The following ATM variants were observed in gnomAD, a reference collection of about 807,000 sequenced individuals.
The protein encoded by ATM is ATM serine/threonine kinase.
A neutral mutation model predicts 387.0 loss-of-function variants in ATM; 308 were observed. The observed-to-expected ratio is 0.80, with a 90% CI of 0.73 to 0.87. The LOEUF is 0.87. ATM is among the 40% of genes least tolerant of loss of function. The pLI, the probability that ATM is intolerant of heterozygous loss-of-function variation, is 0.00. For synonymous variants in ATM, 1,156 were observed against 1,187.3 expected (o/e 0.97, Z 0.54); for missense variants, 3,312 against 3,560.9 (o/e 0.93, Z 1.78).
In ATM at chr11:108,272,564, C is replaced by G. The variant is rs1555085821; in HGVS notation, c.3110C>G (p.Ser1037Cys). 1 of 1,613,682 alleles carries G rather than the reference C, an allele frequency of 6.2e-7. No individual in the cohort carries two copies. Among genetic ancestry groups the G allele is most frequent in the Non-Finnish European group, 8.5e-7 (1 of 1,179,688 alleles). Reference protein sequence around the residue: ...HLTKERKYIFSVRMALVNCLK... With the variant: ...HLTKERKYIFCVRMALVNCLK... Reference sequence around the variant, plus strand: ...ACAAAGGAGAGGAAATATATATTCTCTGTAAGAATGGCCCTAGTAAATTGC... The same window carrying G: ...ACAAAGGAGAGGAAATATATATTCTGTGTAAGAATGGCCCTAGTAAATTGC... Residue 1037 changes from serine (S) to cysteine (C), a missense_variant, in exon 21 of 63, where the codon TCT becomes TGT. Physicochemically the swap from Ser to Cys is moderately radical, Grantham distance 112. This residue lies in a region of ATM where 1,791 missense variants were observed against 1,804.5 expected (regional missense o/e 0.99). Transcript: ENST00000675843.
At chr11:108,341,091 C>T (rs1384255330) in intron 56 of ATM, among the ~76,000 whole-genome samples, 1 of 151,990 alleles carries the variant, frequency 6.6e-6, no homozygotes, top group Admixed American at 6.6e-5. Flanking sequence ...CTGCTGTTCT[C>T]CCTCCAGCCT....
chr11:108,301,513 T>C (rs2083428193), intron 34 of ATM, 135 bp from the exon 35 acceptor site: 1 of 1,049,430 alleles, frequency 9.5e-7, no homozygotes, highest in Admixed American at 2.2e-5. Flanking sequence ...TTATTTGATA[T>C]TGGAGAATTT....
intron 1 of ATM, chr11:108,226,556 T>A (rs2078747088): frequency 6.6e-6 from 1 of 152,222 alleles, no homozygotes; most frequent in Non-Finnish European, 1.5e-5. Context: ...TTACTCCTAT[T>A]GTTATGTGTT....
chr11:108,244,736 T>C (rs777298680), intron 6 of ATM, 52 bp from the exon 7 acceptor site: 1 of 1,345,868 alleles, frequency 7.4e-7, no homozygotes, highest in Non-Finnish European at 1.1e-6. Flanking sequence ...GTTCAGTTTG[T>C]ACAGTTTGTT....
intron 56 of ATM, among the ~76,000 whole-genome samples, chr11:108,339,437 T>C (rs2087242661): frequency 1.3e-5 from 2 of 152,116 alleles, no homozygotes; most frequent in South Asian, 4.1e-4. Flanking sequence ...ATTCACTGAA[T>C]ATAATGAATT....
At chr11:108,298,560 C>G (rs776515006) in intron 33 of ATM, among the ~76,000 whole-genome samples, 16 of 152,148 alleles carry the variant, frequency 1.1e-4, no homozygotes, top group Non-Finnish European at 2.2e-4. Context: ...AACAGAAGCC[C>G]TAAGTGGCTT....
intron 22 of ATM, among the ~76,000 whole-genome samples, chr11:108,278,298 T>C (rs2082052645): frequency 6.6e-6 from 1 of 152,242 alleles, no homozygotes; most frequent in Non-Finnish European, 1.5e-5. Flanking sequence ...ATATGTTTAG[T>C]AGTTCAAGCC....
intron 5 of ATM, 28 bp downstream of exon 5, chr11:108,235,862 A>C: frequency 6.2e-7 from 1 of 1,612,482 alleles, no homozygotes; most frequent in Non-Finnish European, 8.5e-7. Flanking sequence ...TTGTTTGTGA[A>C]TTTTTCCTCA....
At position 108,326,201 on chromosome 11, in the gene ATM, G is replaced by T; in HGVS notation, c.6951G>T (p.Lys2317Asn). 1 of 1,614,108 alleles carries T rather than the reference G, an allele frequency of 6.2e-7. No individual in the cohort carries two copies. The highest frequency in any genetic ancestry group is 8.5e-7 in the Non-Finnish European group (1 of 1,180,006). The change falls in exon 47 of 63, where the codon AAG becomes AAT. Residue 2317 changes from lysine (K) to asparagine (N), a missense_variant. Lys to Asn is a moderately conservative substitution (Grantham distance 94). Coordinates refer to ENST00000675843, the MANE Select transcript of ATM (RefSeq NM_000051.4). Reference protein sequence around the residue: ...LALSILKQMIKKLDASCAANN... With the variant: ...LALSILKQMINKLDASCAANN... ...TGAGTATTCTCAAGCAAATGATCAA[G>T]AAGTTGGATGCCAGCTGTGCAGCGG...
At chr11:108,313,720 A>G (rs2084368886) in intron 40 of ATM, among the ~76,000 whole-genome samples, 1 of 152,144 alleles carries the variant, frequency 6.6e-6, no homozygotes, top group Admixed American at 6.5e-5. Context: ...TGAGGACTTG[A>G]TTTCACGTTA....
chr11:108,264,596 A>G (rs1361581135), intron 16 of ATM, among the ~76,000 whole-genome samples: 2 of 147,084 alleles, frequency 1.4e-5, no homozygotes, highest in Admixed American at 6.8e-5. Flanking sequence ...CTCTCTCACC[A>G]CTCCTATTCA....
intron 13 of ATM, among the ~76,000 whole-genome samples, chr11:108,255,694 G>T (rs1285260237): frequency 6.6e-6 from 1 of 152,098 alleles, no homozygotes; most frequent in Non-Finnish European, 1.5e-5. Flanking sequence ...CCAAAGTGTT[G>T]GGGTTGTAGG....
rs1565378985 is a variant in ATM at position 108,248,978 on chromosome 11, A to G, written c.1111A>G (p.Thr371Ala). ...TRSLEISQSY[T>A]TTQRESSDYS... ...ATCCTTGGAGATTTCTCAATCTTAC[A>G]CTACTACACAAAGAGAATCTAGTGA... The change falls in exon 9 of 63, where the codon ACT (threonine) becomes GCT (alanine). Residue 371 changes from threonine (T) to alanine (A), a missense_variant. Thr to Ala is a moderately conservative substitution (Grantham distance 58). This residue lies in a region of ATM where 1,791 missense variants were observed against 1,804.5 expected (regional missense o/e 0.99). Transcript: ENST00000675843. The G allele has an allele frequency of 1.9e-6, 3 of 1,612,656 alleles. No homozygotes were observed. Among genetic ancestry groups the G allele is most frequent in the Non-Finnish European group, 2.5e-6 (3 of 1,178,804 alleles).
At position 108,366,029 on chromosome 11, in the gene ATM, CAAA is replaced by C. The variant is rs369583811; in HGVS notation, c.*538_*540del. The C allele has an allele frequency of 1.2e-3, 124 of 100,356 alleles. No individual in the cohort carries two copies. Among genetic ancestry groups the C allele is most frequent in the Middle Eastern group, 4.4e-3 (1 of 228 alleles). The allele number at this position is 100,356 out of a possible 1,614,324, so 6.2% of individuals were successfully genotyped here. On this transcript the variant is annotated 3_prime_UTR_variant, in exon 63 of 63. Coordinates refer to ENST00000675843, the MANE Select transcript of ATM (RefSeq NM_000051.4). ...GGGTGACAAGAGCGAAACTCCATCTCAAAAAAAAAAAAAAAAAAACAGAAACGT... is the reference window on the plus strand; with the variant it reads ...GGGTGACAAGAGCGAAACTCCATCTCAAAAAAAAAAAAAAAACAGAAACGT...
rs879253877 is a variant in ATM, at chr11:108,343,313, C to T, written c.8360C>T (p.Ala2787Val). ...TTTCTTGTTAACAATGAAGATGGTGCTCATAAAAGATACAGGCCAAATGAT... is the reference window on the plus strand; with the variant it reads ...TTTCTTGTTAACAATGAAGATGGTGTTCATAAAAGATACAGGCCAAATGAT... ...GEFLVNNEDGAHKRYRPNDFS... is the reference protein window; with the variant it reads ...GEFLVNNEDGVHKRYRPNDFS... The change falls in exon 57 of 63, where the codon GCT becomes GTT. Residue 2787 changes from alanine (A) to valine (V), a missense_variant. Coordinates refer to ENST00000675843, the MANE Select transcript of ATM (RefSeq NM_000051.4). 2 of 1,613,936 alleles carry T rather than the reference C, an allele frequency of 1.2e-6. No individual in the cohort carries two copies. Among genetic ancestry groups the T allele is most frequent in the Non-Finnish European group, 1.7e-6 (2 of 1,179,916 alleles).
chr11:108,325,645 G>C (rs2085601520), intron 46 of ATM, 101 bp downstream of exon 46: 1 of 986,284 alleles, frequency 1.0e-6, no homozygotes, highest in South Asian at 1.4e-5. Flanking sequence ...TTAAGAGATA[G>C]AGATCTCTAT....
rs876658913 is a variant in ATM at position 108,267,261 on chromosome 11, T to C, written c.2557T>C (p.Ser853Pro). The change falls in exon 17 of 63, where the codon TCA (serine) becomes CCA (proline). Residue 853 changes from serine (S) to proline (P), a missense_variant. Physicochemically the swap from Ser to Pro is moderately conservative, Grantham distance 74. Transcript: ENST00000675843. ...NGNLMEVEDQ[S>P]SMNLFNDYPD... ...AAATCTAATGGAGGTGGAGGATCAGTCATCCATGAATCTATTTAACGATTA... is the reference window on the plus strand; with the variant it reads ...AAATCTAATGGAGGTGGAGGATCAGCCATCCATGAATCTATTTAACGATTA... 5 of 1,614,090 alleles carry C rather than the reference T, an allele frequency of 3.1e-6. No homozygotes were observed. The highest frequency in any genetic ancestry group is 1.1e-5 in the South Asian group (1 of 91,074).
At chr11:108,242,563 A>C (rs560766831) in intron 5 of ATM, among the ~76,000 whole-genome samples, 108 of 152,322 alleles carry the variant, frequency 7.1e-4, no homozygotes, top group African/African-American at 2.5e-3. Context: ...AACATTGTGA[A>C]TAATGTTATT....
chr11:108,337,751 T>C (rs1338900301), intron 56 of ATM, among the ~76,000 whole-genome samples: 3 of 152,246 alleles, frequency 2.0e-5, no homozygotes, highest in African/African-American at 7.2e-5. Context: ...TATTCTGTAA[T>C]GTGAATGAAA....
Sources: allele counts gnomAD v4.1 joint callset (sites outside exome capture counted in the v4.1 genomes callset), GRCh38; gene constraint gnomAD v4.1.1; regional missense constraint gnomAD v4.1.1; transcripts MANE v1.5; gene names NCBI Gene and HGNC (gene_info 2026-07-23, HGNC 2026-07-21).